Variants in CUX2 observed in about 807,000 individuals in gnomAD.
CUX2 encodes the protein homeobox protein cut-like 2.
Under a neutral mutation model 144.8 loss-of-function variants are expected in CUX2, and 40 were observed. That is an observed-to-expected ratio of 0.28 (90% CI 0.21 to 0.36). The LOEUF (loss-of-function observed/expected upper bound fraction) is 0.36. Among genes scored for constraint, CUX2 ranks in the 10% least tolerant of loss-of-function variants. The probability of loss-of-function intolerance (pLI) is 1.00; values close to 1 mark genes in which losing one functional copy is unlikely to be tolerated. For missense variants in CUX2, 1,615 were observed against 1,994.0 expected, an observed-to-expected ratio of 0.81 and a Z score of 3.62; for synonymous variants, 827 against 875.6, an observed-to-expected ratio of 0.94 and a Z score of 0.98.
chr12:111,200,065 G>A (rs3809294), intron 1 of CUX2, among the ~76,000 whole-genome samples: 23 of 152,242 alleles, frequency 1.5e-4, no homozygotes, highest in South Asian at 6.2e-4. Flanking sequence ...CTCGGGTTGC[G>A]GGGGAGAGAG....
intron 1 of CUX2, among the ~76,000 whole-genome samples, chr12:111,088,582 CTCTAG>C (rs1872378217): frequency 6.6e-6 from 1 of 152,294 alleles, no homozygotes; most frequent in Admixed American, 6.5e-5. Context: ...GACGCTTTAA[CTCTAG>C]TCTTCATAGG....
chr12:111,213,351 A>G (rs532568152), intron 1 of CUX2, among the ~76,000 whole-genome samples: 1 of 152,342 alleles, frequency 6.6e-6, no homozygotes, highest in East Asian at 1.9e-4. Context: ...TAAAGTGAAG[A>G]AAGCTTCAAG....
In CUX2 at chr12:111,171,923, G is replaced by C. The variant is rs3809297; in HGVS notation, c.64-42277G>C. On this transcript the variant is annotated intron_variant, in intron 1 of 21. Coordinates refer to ENST00000261726, the MANE Select transcript of CUX2 (RefSeq NM_015267.4). This position sits in a 1 kb window ranked among gnomAD's most constrained non-coding sequence, Gnocchi z 5.0. ...CAGCATATGCACTCTCTGTGTGTGCGTGTGCCTGTGCCTGTGTACACGTGC... is the reference window on the plus strand; with the variant it reads ...CAGCATATGCACTCTCTGTGTGTGCCTGTGCCTGTGCCTGTGTACACGTGC... 6.6e-6 allele frequency among the ~76,000 whole-genome samples: 1 copy of C among 152,102 alleles called. No homozygotes were observed. Among genetic ancestry groups the C allele is most frequent in the East Asian group, 1.9e-4 (1 of 5,198 alleles).
At chr12:111,096,780 C>A (rs978703976) in intron 1 of CUX2, among the ~76,000 whole-genome samples, 2 of 152,114 alleles carry the variant, frequency 1.3e-5, no homozygotes, top group African/African-American at 2.4e-5. Context: ...GAGTTAGAGA[C>A]CAACCTGGCC....
Position 111,064,942 on chromosome 12 carries a change from G to T in CUX2, c.63+30702G>T, listed in dbSNP as rs1870959307. On this transcript the variant is annotated intron_variant, in intron 1 of 21. Transcript: ENST00000261726. ...TAATTCCTTCTGGTTAAAGACCTAA[G>T]AGTTGCTAAATGTAGACTCTGACTC... Among the ~76,000 whole-genome samples, 3 of 152,348 alleles carry T rather than the reference G, an allele frequency of 2.0e-5. No homozygotes were observed. The South Asian group carries it at 6.2e-4, about 32-fold the overall frequency.
chr12:111,236,898 C>T (rs1416764445), intron 3 of CUX2, among the ~76,000 whole-genome samples: 1 of 152,196 alleles, frequency 6.6e-6, no homozygotes, highest in African/African-American at 2.4e-5. Flanking sequence ...GCCTGTTATC[C>T]AGCACTTTGG....
intron 3 of CUX2, among the ~76,000 whole-genome samples, chr12:111,228,741 T>C (rs567915701): frequency 1.8e-4 from 28 of 152,230 alleles, no homozygotes; most frequent in Admixed American, 3.3e-4. Context: ...CTATGTTTTT[T>C]ATTGCATTTG....
At chr12:111,112,702 T>C (rs569930470) in intron 1 of CUX2, among the ~76,000 whole-genome samples, 1 of 152,264 alleles carries the variant, frequency 6.6e-6, no homozygotes, top group East Asian at 1.9e-4. Flanking sequence ...CTCCTGAGAG[T>C]TTCCAGCTCA....
chr12:111,104,993 T>G (rs1005159435), intron 1 of CUX2, among the ~76,000 whole-genome samples: 1 of 152,062 alleles, frequency 6.6e-6, no homozygotes, highest in African/African-American at 2.4e-5. Flanking sequence ...CCCGAAACAC[T>G]CTGTTTCTCC....
intron 1 of CUX2, among the ~76,000 whole-genome samples, chr12:111,086,144 C>T (rs966614515): frequency 6.6e-6 from 1 of 152,202 alleles, no homozygotes; most frequent in African/African-American, 2.4e-5. Context: ...CACCAGCTAC[C>T]AACCTGTCAG....
At position 111,307,610 on chromosome 12, in the gene CUX2, T is replaced by A. The variant is rs746527601; in HGVS notation, c.1109+353T>A. ...CACTCAGGAGGCTGATGTGGGAGGA[T>A]TGCTTGAGCCTGAGAGGTCAAGGCT... On this transcript the variant is annotated intron_variant, in intron 12 of 21. Coordinates refer to ENST00000261726, the MANE Select transcript of CUX2 (RefSeq NM_015267.4). The surrounding 1 kb of genome is among the most constrained non-coding windows in gnomAD (Gnocchi z 4.1). Among the ~76,000 whole-genome samples, 1 of 152,094 alleles carries A rather than the reference T, an allele frequency of 6.6e-6. No individual in the cohort carries two copies. The highest frequency in any genetic ancestry group is 1.5e-5 in the Non-Finnish European group (1 of 68,006).
At chr12:111,082,471 C>T (rs1031782638) in intron 1 of CUX2, among the ~76,000 whole-genome samples, 1 of 152,084 alleles carries the variant, frequency 6.6e-6, no homozygotes, top group Non-Finnish European at 1.5e-5. Context: ...GTGCCAAGGA[C>T]CGTGCTGGGC....
chr12:111,054,851 T>G (rs1182029378), intron 1 of CUX2, among the ~76,000 whole-genome samples: 1 of 152,216 alleles, frequency 6.6e-6, no homozygotes. Flanking sequence ...GGTCTTGAAC[T>G]CCTGACCTCA....
chr12:111,163,507 T>C (rs1280806795), intron 1 of CUX2, among the ~76,000 whole-genome samples: 2 of 152,292 alleles, frequency 1.3e-5, no homozygotes, highest in South Asian at 2.1e-4. Flanking sequence ...TCAGCAGCCA[T>C]TGTCCCTCCA....
In CUX2 at chr12:111,322,474, A is replaced by G. The variant is rs761541347; in HGVS notation, c.2820A>G (p.Pro940=). 4 of 1,595,476 alleles carry G rather than the reference A, an allele frequency of 2.5e-6. No individual in the cohort carries two copies. The highest frequency in any genetic ancestry group is 1.8e-5 in the Admixed American group (1 of 56,746). The change falls in exon 18 of 22, where the codon CCA becomes CCG. Residue 940 remains proline (P), a synonymous_variant. Transcript: ENST00000261726. This position sits in a 1 kb window ranked among gnomAD's most constrained non-coding sequence, Gnocchi z 4.2. ...GCGACATGCTGTCCCGGCCGAAGCC[A>G]TGGAGCAAGCTGACGCAGAAGGGGC... ...SVSDMLSRPK[P]WSKLTQKGRE... is the part of the protein sequence containing the mutation.
chr12:111,230,838 C>T (rs1194002911), intron 3 of CUX2, among the ~76,000 whole-genome samples: 2 of 152,098 alleles, frequency 1.3e-5, no homozygotes, highest in Admixed American at 6.5e-5. Context: ...ATATTCCCAC[C>T]GTGGCCAATT....
chr12:111,321,545 T>A (rs1887534101), intron 17 of CUX2, among the ~76,000 whole-genome samples: 1 of 149,538 alleles, frequency 6.7e-6, no homozygotes, highest in Non-Finnish European at 1.5e-5. Flanking sequence ...ATAAAAAAAA[T>A]TAGCCAAGTG....
chr12:111,299,463 C>A (rs1461443150), intron 9 of CUX2, among the ~76,000 whole-genome samples: 2 of 152,100 alleles, frequency 1.3e-5, no homozygotes. Context: ...AGGGCTGATT[C>A]TATGTCCCTG....
At chr12:111,119,586 T>A (rs1874510442) in intron 1 of CUX2, among the ~76,000 whole-genome samples, 1 of 152,206 alleles carries the variant, frequency 6.6e-6, no homozygotes, top group African/African-American at 2.4e-5. Flanking sequence ...TAACTGTACT[T>A]ACTCATCTGA....
Sources: gnomAD v4.1 joint callset for allele counts (sites outside exome capture counted in the v4.1 genomes callset) on GRCh38, gnomAD v4.1.1 for gene constraint, Gnocchi (gnomAD v3.1) non-coding constraint, MANE v1.5 for transcripts, NCBI Gene and HGNC (gene_info 2026-07-23, HGNC 2026-07-21) for gene names.